The following PCBP3 variants were observed in gnomAD, a reference collection of about 807,000 sequenced individuals.
The protein encoded by PCBP3 is poly(rC) binding protein 3.
In PCBP3, 25 loss-of-function variants were observed where a neutral mutation model predicts 52.7. That is an observed-to-expected ratio of 0.47 (90% CI 0.35 to 0.66). The LOEUF is 0.66. Among genes scored for constraint, PCBP3 ranks in the 30% least tolerant of loss-of-function variants. The pLI, the probability that PCBP3 is intolerant of heterozygous loss-of-function variation, is 0.01. For synonymous variants in PCBP3, 162 were observed against 183.0 expected (o/e 0.89, Z 0.93); for missense variants, 391 against 490.3 (o/e 0.80, Z 1.91).
At chr21:45,700,828 T>G (rs951719641) in intron 2 of PCBP3, among the ~76,000 whole-genome samples, 23 of 152,298 alleles carry the variant, frequency 1.5e-4, no homozygotes, top group African/African-American at 5.5e-4. Context: ...TGGCTCCAGC[T>G]TTCCCATCTC....
rs1357571082 is a variant in PCBP3, at chr21:45,942,018, CT to C, written c.*314del. On this transcript the variant is annotated 3_prime_UTR_variant, in exon 18 of 18. Transcript: ENST00000681687. ...CCTTGGTGTCAGCGTAGCTGTCTGTCTTAGGAGCTGGGTCGGCGTTCCGACA... is the reference window on the plus strand; with the variant it reads ...CCTTGGTGTCAGCGTAGCTGTCTGTCTAGGAGCTGGGTCGGCGTTCCGACA... 3.1e-6 allele frequency: 1 copy of C among 321,896 alleles called. No individual in the cohort carries two copies. The allele number at this position is 321,896 out of a possible 1,614,324, so 19.9% of individuals were successfully genotyped here. A position where few individuals can be genotyped will look rare whatever the true frequency, so the allele number is the denominator to read the frequency against.
In PCBP3 at chr21:45,704,123, G is replaced by A. The variant is rs2083298732; in HGVS notation, c.-199-31269G>A. The stretch of plus-strand genomic sequence containing the variant: ...GGAAGACACGTTTATCTTGAGTTGG[G>A]AAGAACAAACTGGTCAGCTGGAGGA... On this transcript the variant is annotated intron_variant, in intron 2 of 17. Transcript: ENST00000681687. This position sits in a 1 kb window ranked among gnomAD's most constrained non-coding sequence, Gnocchi z 4.1. Among the ~76,000 whole-genome samples the A allele has an allele frequency of 6.6e-6, 1 of 152,198 alleles. No individual in the cohort carries two copies. The highest frequency in any genetic ancestry group is 1.5e-5 in the Non-Finnish European group (1 of 68,040).
intron 4 of PCBP3, among the ~76,000 whole-genome samples, chr21:45,820,732 G>A (rs1467793074): frequency 6.6e-6 from 1 of 152,200 alleles, no homozygotes; most frequent in Non-Finnish European, 1.5e-5. Context: ...GGATGACCAT[G>A]GACCTCTGCT....
At chr21:45,723,183 A>G (rs892354378) in intron 2 of PCBP3, among the ~76,000 whole-genome samples, 1 of 152,170 alleles carries the variant, frequency 6.6e-6, no homozygotes, top group Non-Finnish European at 1.5e-5. Context: ...TGTGTTTGGC[A>G]ACCAGGGGAC....
At chr21:45,730,216 T>G (rs781261361) in intron 2 of PCBP3, among the ~76,000 whole-genome samples, 1 of 152,022 alleles carries the variant, frequency 6.6e-6, no homozygotes, top group Non-Finnish European at 1.5e-5. Flanking sequence ...TATTTTGATA[T>G]GTAGTGTTTT....
chr21:45,810,647 T>G (rs1231449797), intron 4 of PCBP3, among the ~76,000 whole-genome samples: 2 of 152,202 alleles, frequency 1.3e-5, no homozygotes, highest in East Asian at 3.8e-4. Context: ...TTTTCTCATC[T>G]CTGTGTCAGA....
rs77676549 is a variant in PCBP3 at position 45,728,033 on chromosome 21, T to G, written c.-199-7359T>G. 5.7e-3 allele frequency among the ~76,000 whole-genome samples: 871 copies of G among 152,310 alleles called. 9 individuals carry two copies. Among genetic ancestry groups the G allele is most frequent in the African/African-American group, 0.02 (840 of 41,556 alleles). On this transcript the variant is annotated intron_variant, in intron 2 of 17. Coordinates refer to ENST00000681687, the MANE Select transcript of PCBP3 (RefSeq NM_001384156.1). ...AAAGTTCTTTGGCTGGTTTATTTCC[T>G]CGGTATCTTCATACAAATTCTAGAA...
At chr21:45,774,311 G>A (rs563528684) in intron 4 of PCBP3, among the ~76,000 whole-genome samples, 21 of 151,428 alleles carry the variant, frequency 1.4e-4, no homozygotes, top group Admixed American at 2.6e-4. Flanking sequence ...GGAGGCTGAG[G>A]CAGGAGAGTC....
chr21:45,850,804 GGAT>G (rs1348602468), intron 5 of PCBP3, among the ~76,000 whole-genome samples: 1 of 152,188 alleles, frequency 6.6e-6, no homozygotes, highest in African/African-American at 2.4e-5. Context: ...TGTAACATAG[GGAT>G]GTATGTGTAC....
At chr21:45,931,323 A>G (rs1351873657) in intron 15 of PCBP3, among the ~76,000 whole-genome samples, 2 of 152,254 alleles carry the variant, frequency 1.3e-5, no homozygotes, top group African/African-American at 4.8e-5. Context: ...CCCGTGAAGA[A>G]GATGCCACAC....
At position 45,656,576 on chromosome 21, in the gene PCBP3, G is replaced by A. The variant is rs1233446819; in HGVS notation, c.-278-12298G>A. Among the ~76,000 whole-genome samples the A allele has an allele frequency of 6.6e-6, 1 of 151,982 alleles. No individual in the cohort carries two copies. Among genetic ancestry groups the A allele is most frequent in the Non-Finnish European group, 1.5e-5 (1 of 68,000 alleles). On this transcript the variant is annotated intron_variant, in intron 1 of 17. Transcript: ENST00000681687. This position sits in a 1 kb window ranked among gnomAD's most constrained non-coding sequence, Gnocchi z 4.3. ...TTGATGGGTGCAGCAAACCACCGTGGCATGTGTATACCTGTGTAACAAACC... is the reference window on the plus strand; with the variant it reads ...TTGATGGGTGCAGCAAACCACCGTGACATGTGTATACCTGTGTAACAAACC...
chr21:45,844,050 A>G (rs1405003912), intron 4 of PCBP3, among the ~76,000 whole-genome samples: 2 of 151,948 alleles, frequency 1.3e-5, no homozygotes, highest in Non-Finnish European at 2.9e-5. Flanking sequence ...TTCTTCCTCC[A>G]TTAATGCTCG....
At position 45,928,291 on chromosome 21, in the gene PCBP3, T is replaced by A. The variant is rs149761114; in HGVS notation, c.718-1626T>A. On this transcript the variant is annotated intron_variant, in intron 13 of 17. Transcript: ENST00000681687. The surrounding 1 kb of genome is among the most constrained non-coding windows in gnomAD (Gnocchi z 4.1). ...CCCCTCAGATAACCCGGCACACCCG[T>A]TCACGTTACATCATGGGGCAGCGCA... 9.6e-4 allele frequency among the ~76,000 whole-genome samples: 146 copies of A among 152,226 alleles called. 2 individuals are homozygous for A. The highest frequency in any genetic ancestry group is 1.8e-3 in the Non-Finnish European group (125 of 68,006).
At chr21:45,856,507 C>T (rs538814997) in intron 5 of PCBP3, among the ~76,000 whole-genome samples, 9 of 152,332 alleles carry the variant, frequency 5.9e-5, no homozygotes, top group South Asian at 2.1e-4. Context: ...TCCCCATGAA[C>T]GGCCTGGGCC....
intron 11 of PCBP3, among the ~76,000 whole-genome samples, chr21:45,911,797 A>G (rs886773808): frequency 2.0e-5 from 3 of 152,212 alleles, no homozygotes; most frequent in African/African-American, 7.2e-5. Context: ...TTCAAACCCC[A>G]TGTTTGACTC....
At chr21:45,654,693 C>A (rs60039996) in intron 1 of PCBP3, among the ~76,000 whole-genome samples, 2,184 of 152,254 alleles carry the variant, frequency 0.014, 52 homozygotes, top group African/African-American at 0.05. Flanking sequence ...TTAACAAATT[C>A]TTTCAATTTA....
intron 2 of PCBP3, among the ~76,000 whole-genome samples, chr21:45,696,689 G>A (rs2082798386): frequency 6.6e-6 from 1 of 152,076 alleles, no homozygotes; most frequent in Non-Finnish European, 1.5e-5. Flanking sequence ...TGCTTGGGAG[G>A]CTGAGGCAGG....
intron 3 of PCBP3, among the ~76,000 whole-genome samples, chr21:45,739,216 C>A: frequency 8.4e-6 from 1 of 119,542 alleles, no homozygotes; most frequent in Admixed American, 8.9e-5. Flanking sequence ...CCATTGTCCT[C>A]TGGGTGGCAC....
chr21:45,781,705 A>G (rs1369156365), intron 4 of PCBP3, among the ~76,000 whole-genome samples: 2 of 152,260 alleles, frequency 1.3e-5, no homozygotes, highest in Admixed American at 1.3e-4. Context: ...TTCATATTGC[A>G]AATGTCTATC....
Sources: gnomAD v4.1 joint callset for allele counts (sites outside exome capture counted in the v4.1 genomes callset) on GRCh38, gnomAD v4.1.1 for gene constraint, Gnocchi (gnomAD v3.1) non-coding constraint, MANE v1.5 for transcripts, NCBI Gene and HGNC (gene_info 2026-07-23, HGNC 2026-07-21) for gene names.